The following CTNNA3 variants were observed in gnomAD, a reference collection of about 807,000 sequenced individuals.
CTNNA3 encodes the protein catenin alpha 3.
In CTNNA3, 76 loss-of-function variants were observed where a neutral mutation model predicts 95.7. The observed-to-expected ratio is 0.79, with a 90% CI of 0.66 to 0.96. The LOEUF is 0.96. Among genes scored for constraint, CTNNA3 ranks in the 40% least tolerant of loss-of-function variants. CTNNA3 has a pLI of 0.00. For synonymous variants in CTNNA3, 431 were observed against 374.4 expected (o/e 1.15, Z -1.74); for missense variants, 1,191 against 1,089.8 (o/e 1.09, Z -1.31).
intron 5 of CTNNA3, among the ~76,000 whole-genome samples, chr10:67,487,811 T>A (rs571846781): frequency 6.6e-6 from 1 of 152,298 alleles, no homozygotes; most frequent in South Asian, 2.1e-4. Flanking sequence ...AAGACAGTGG[T>A]GACTGCCAGC....
rs1564848280 is a variant in CTNNA3, at chr10:67,762,382, C to CA, written c.-2+1051_-2+1052insT. 1.1e-3 allele frequency among the ~76,000 whole-genome samples: 153 copies of CA among 145,198 alleles called. 1 individual carries two copies. The highest frequency in any genetic ancestry group is 5.1e-3 in the East Asian group (25 of 4,930). On this transcript the variant is annotated intron_variant, in intron 1 of 17. Transcript: ENST00000684154. ...ATTGTCTTGCTTTCCCCTCCCCCCC[C>CA]CAAAAAAAAAAAAGCCCTCTCAAAG...
intron 9 of CTNNA3, among the ~76,000 whole-genome samples, chr10:66,726,345 C>T (rs1011357610): frequency 2.6e-5 from 4 of 151,976 alleles, no homozygotes; most frequent in African/African-American, 9.7e-5. Context: ...GCCAATATCT[C>T]GCCAACTTAT....
chr10:67,022,119 A>G (rs1310937577), intron 7 of CTNNA3, among the ~76,000 whole-genome samples: 2 of 152,184 alleles, frequency 1.3e-5, no homozygotes, highest in Non-Finnish European at 2.9e-5. Context: ...ATTTGAAGCC[A>G]AAGGAGTGGG....
intron 9 of CTNNA3, among the ~76,000 whole-genome samples, chr10:66,667,757 T>C (rs1383202896): frequency 6.6e-6 from 1 of 152,120 alleles, no homozygotes; most frequent in Non-Finnish European, 1.5e-5. Context: ...TAGTAGTCTG[T>C]ACAGACATCT....
intron 7 of CTNNA3, among the ~76,000 whole-genome samples, chr10:66,847,916 T>C (rs1014069881): frequency 9.2e-5 from 14 of 152,148 alleles, no homozygotes; most frequent in Non-Finnish European, 1.8e-4. Flanking sequence ...TGAGAATAAA[T>C]GTCTTAGAGA....
chr10:67,521,750 G>A, intron 5 of CTNNA3, 92 bp downstream of exon 5: 2 of 1,485,284 alleles, frequency 1.3e-6, no homozygotes, highest in Non-Finnish European at 1.8e-6. Context: ...TAGAAGATAA[G>A]TTTCCTCAGA....
rs1216014265 is a variant in CTNNA3 at position 67,606,887 on chromosome 10, T to A, written c.262A>T (p.Thr88Ser). ...QEATVLKDEL[T>S]ASLEEVRKES... Reference sequence around the variant, plus strand: ...TTGCGAACTTCCTCAAGTGAAGCCGTAAGCTCATCCTTTAAAACTGTAGCT... The same window carrying A: ...TTGCGAACTTCCTCAAGTGAAGCCGAAAGCTCATCCTTTAAAACTGTAGCT... Residue 88 changes from threonine (T) to serine (S), a missense_variant, in exon 3 of 18, where the codon ACG (threonine) becomes TCG (serine). Coordinates refer to ENST00000433211, the MANE Select transcript of CTNNA3 (RefSeq NM_013266.4). The A allele has an allele frequency of 1.2e-6, 2 of 1,614,016 alleles. No individual in the cohort carries two copies. Among genetic ancestry groups the A allele is most frequent in the Non-Finnish European group, 1.7e-6 (2 of 1,179,924 alleles).
intron 12 of CTNNA3, among the ~76,000 whole-genome samples, chr10:66,355,596 G>C (rs1171934704): frequency 1.3e-5 from 2 of 151,582 alleles, no homozygotes; most frequent in African/African-American, 4.8e-5. Flanking sequence ...TTTTTACACT[G>C]TTTCATATAT....
intron 9 of CTNNA3, among the ~76,000 whole-genome samples, chr10:66,644,825 G>A (rs74141604): frequency 0.038 from 5,739 of 151,914 alleles, 362 homozygotes; most frequent in African/African-American, 0.13. Flanking sequence ...ATTCACCACC[G>A]CAGTCAAGAT....
intron 11 of CTNNA3, among the ~76,000 whole-genome samples, chr10:66,469,217 C>T (rs1839040135): frequency 6.6e-6 from 1 of 151,796 alleles, no homozygotes; most frequent in Admixed American, 6.6e-5. Context: ...GTAACACAAA[C>T]ATATGTTTGA....
chr10:67,019,216 A>G (rs1428942064), intron 7 of CTNNA3, among the ~76,000 whole-genome samples: 1 of 151,854 alleles, frequency 6.6e-6, no homozygotes, highest in African/African-American at 2.4e-5. Context: ...TTTTAATTTT[A>G]TTTTATTATT....
intron 1 of CTNNA3, among the ~76,000 whole-genome samples, chr10:67,761,716 A>G (rs2131759584): frequency 6.6e-6 from 1 of 152,132 alleles, no homozygotes; most frequent in East Asian, 1.9e-4. Flanking sequence ...ATCTCTACCA[A>G]AAATACAAAA....
chr10:66,685,960 T>A (rs1157051745), intron 9 of CTNNA3, among the ~76,000 whole-genome samples: 1 of 152,184 alleles, frequency 6.6e-6, no homozygotes, highest in Non-Finnish European at 1.5e-5. Context: ...ATTTTCATAG[T>A]TTTATAAGAC....
chr10:67,568,882 T>C (rs1841895959), intron 3 of CTNNA3, among the ~76,000 whole-genome samples: 1 of 152,104 alleles, frequency 6.6e-6, no homozygotes, highest in South Asian at 2.1e-4. Context: ...TCTTACTATG[T>C]TGGTGTTGTG....
At position 66,097,031 on chromosome 10, in the gene CTNNA3, CT is replaced by C. The variant is rs574843573; in HGVS notation, c.1977+6125del. 3.4e-4 allele frequency among the ~76,000 whole-genome samples: 51 copies of C among 152,180 alleles called. 1 individual carries two copies. The East Asian group carries it at 9.7e-3, about 29-fold the overall frequency. ...GGTGATGTTGCATTAACAAGAGTTG[CT>C]TTTTTGGATATCTATTTCAGTTCTA... On this transcript the variant is annotated intron_variant, in intron 14 of 17. Transcript: ENST00000433211.
At chr10:66,539,304 T>C (rs558830447) in intron 10 of CTNNA3, among the ~76,000 whole-genome samples, 16 of 152,196 alleles carry the variant, frequency 1.1e-4, no homozygotes, top group Non-Finnish European at 1.8e-4. Flanking sequence ...TACATTCCCA[T>C]GAGACTTGGG....
intron 7 of CTNNA3, among the ~76,000 whole-genome samples, chr10:66,787,688 G>C (rs901291964): frequency 1.3e-5 from 2 of 152,068 alleles, no homozygotes; most frequent in African/African-American, 2.4e-5. Context: ...GGTAGAAATT[G>C]GTAGCAAAAG....
At chr10:66,041,770 C>G (rs1434536686) in intron 15 of CTNNA3, among the ~76,000 whole-genome samples, 1 of 152,068 alleles carries the variant, frequency 6.6e-6, no homozygotes, top group Non-Finnish European at 1.5e-5. Flanking sequence ...TGGTCTTTCT[C>G]TATTGTCATC....
chr10:67,340,867 T>C (rs1842158127), intron 5 of CTNNA3, among the ~76,000 whole-genome samples: 1 of 152,194 alleles, frequency 6.6e-6, no homozygotes. Flanking sequence ...GATATTTCTT[T>C]TTGGTGTCAA....
Sources: gnomAD v4.1 joint callset for allele counts (sites outside exome capture counted in the v4.1 genomes callset) on GRCh38, gnomAD v4.1.1 for gene constraint, MANE v1.5 for transcripts, NCBI Gene and HGNC (gene_info 2026-07-23, HGNC 2026-07-21) for gene names.